The following PTBP3 variants were observed in gnomAD, a reference collection of about 807,000 sequenced individuals.
PTBP3 encodes the protein polypyrimidine tract-binding protein 3.
Under a neutral mutation model 58.7 loss-of-function variants are expected in PTBP3, and 20 were observed. The ratio of observed to expected loss-of-function variants is 0.34; its 90% CI spans 0.24 to 0.50. PTBP3 has a LOEUF of 0.50. Among genes scored for constraint, PTBP3 ranks in the 20% least tolerant of loss-of-function variants. PTBP3 has a pLI of 0.98. For synonymous variants in PTBP3, 185 were observed against 219.8 expected, an observed-to-expected ratio of 0.84 and a Z score of 1.40; for missense variants, 509 against 637.2, an observed-to-expected ratio of 0.80 and a Z score of 2.17.
At chr9:112,226,037 C>T (rs779656597) in intron 12 of PTBP3, among the ~76,000 whole-genome samples, 6 of 151,840 alleles carry the variant, frequency 4.0e-5, no homozygotes, top group Non-Finnish European at 8.8e-5. Flanking sequence ...GAGGGAGACC[C>T]TGTCTCAAAA....
chr9:112,314,832 AT>A (rs35142599), intron 1 of PTBP3, among the ~76,000 whole-genome samples: 349 of 141,344 alleles, frequency 2.5e-3, no homozygotes, highest in Middle Eastern at 7.2e-3. Flanking sequence ...TCCCACTGAC[AT>A]TTTTTTTTTT....
In PTBP3 at chr9:112,233,414, T is replaced by C. The variant is rs532741103; in HGVS notation, c.881-1176A>G. 7.2e-5 allele frequency among the ~76,000 whole-genome samples: 11 copies of C among 151,930 alleles called. No homozygotes were observed. In the South Asian group the frequency reaches 1.9e-3, roughly 26 times the overall value. ...AATTAATATTTATATATAGAGTATA[T>C]CTAAAAGAAATATCCAAAATGAGGG... On this transcript the variant is annotated intron_variant, in intron 8 of 13. Transcript: ENST00000374257.
chr9:112,262,481 A>G lies in PTBP3; in HGVS notation c.470T>C (p.Ile157Thr). The change falls in exon 5 of 14, where the codon ATT becomes ACT. Residue 157 changes from isoleucine (I) to threonine (T), a missense_variant. Coordinates refer to ENST00000374257, the MANE Select transcript of PTBP3 (RefSeq NM_001163788.4). ...AACAGGGTAAAAGAGGTTTTCAATA[A>G]TTATTCGAAGCACAGGGCTCTGCCC... Reference protein sequence around the residue: ...LPGQSPVLRIIIENLFYPVTL... With the variant: ...LPGQSPVLRITIENLFYPVTL... The G allele has an allele frequency of 1.2e-6, 2 of 1,610,238 alleles. No individual in the cohort carries two copies. Among genetic ancestry groups the G allele is most frequent in the Non-Finnish European group, 1.7e-6 (2 of 1,178,760 alleles).
chr9:112,250,213 AG>A (rs1273237994), intron 7 of PTBP3, among the ~76,000 whole-genome samples: 5 of 152,148 alleles, frequency 3.3e-5, no homozygotes, highest in African/African-American at 4.8e-5. Flanking sequence ...TATTTGGAAA[AG>A]GAAAAATCAA....
intron 2 of PTBP3, among the ~76,000 whole-genome samples, chr9:112,277,069 G>A (rs1460199272): frequency 6.6e-6 from 1 of 152,006 alleles, no homozygotes; most frequent in African/African-American, 2.4e-5. Flanking sequence ...AATTTCATGA[G>A]GACCAAATAA....
At position 112,280,370 on chromosome 9, in the gene PTBP3, A is replaced by AT. The variant is rs371625056; in HGVS notation, c.35-4358dup. ...GTGCCTGGGCTGCTGTTTATTTATT[A>AT]TTTTTTTTTTACAGCTTTACTGAAC... On this transcript the variant is annotated intron_variant, in intron 2 of 13. Transcript: ENST00000374257. Among the ~76,000 whole-genome samples, 1,206 of 147,468 alleles carry AT rather than the reference A, an allele frequency of 8.2e-3. 20 individuals are homozygous for AT. Among genetic ancestry groups the AT allele is most frequent in the African/African-American group, 0.027 (1,104 of 40,692 alleles).
chr9:112,271,515 G>GT (rs1394137250), intron 3 of PTBP3, among the ~76,000 whole-genome samples: 2 of 152,174 alleles, frequency 1.3e-5, no homozygotes, highest in African/African-American at 4.8e-5. Context: ...GAGGTTAGGA[G>GT]TTTGAGACCA....
chr9:112,276,977 C>T (rs1827636355), intron 2 of PTBP3, among the ~76,000 whole-genome samples: 1 of 152,176 alleles, frequency 6.6e-6, no homozygotes, highest in South Asian at 2.1e-4. Context: ...CGGAGAAAAA[C>T]ATAATCTTTC....
At chr9:112,333,073 G>T in intron 1 of PTBP3, 1 of 1,266,398 alleles carries the variant, frequency 7.9e-7, no homozygotes, top group Non-Finnish European at 9.9e-7. Flanking sequence ...CGCCCCGCGC[G>T]CCGCCTCCGC....
intron 4 of PTBP3, among the ~76,000 whole-genome samples, chr9:112,266,581 T>C (rs2132150525): frequency 6.6e-6 from 1 of 152,274 alleles, no homozygotes; most frequent in African/African-American, 2.4e-5. Context: ...TGGAAACAAC[T>C]TCAGTGTATA....
At chr9:112,267,257 CCAGG>C (rs1405845200) in intron 4 of PTBP3, among the ~76,000 whole-genome samples, 2 of 152,138 alleles carry the variant, frequency 1.3e-5, no homozygotes, top group East Asian at 3.9e-4. Flanking sequence ...GCTCCGCCTC[CCAGG>C]CTCACGCCAT....
chr9:112,334,289 G>T (rs546772006), upstream of PTBP3, among the ~76,000 whole-genome samples: 1 of 152,188 alleles, frequency 6.6e-6, no homozygotes, highest in South Asian at 2.1e-4. Flanking sequence ...GTCTAGTATT[G>T]AATTTATATG....
At chr9:112,227,968 C>A (rs1433384959) in intron 11 of PTBP3, among the ~76,000 whole-genome samples, 1 of 152,110 alleles carries the variant, frequency 6.6e-6, no homozygotes, top group African/African-American at 2.4e-5. Flanking sequence ...TTGAGTAATA[C>A]TTTACAGCTT....
intron 2 of PTBP3, among the ~76,000 whole-genome samples, chr9:112,290,672 T>TAAAA (rs141146042): frequency 8.3e-4 from 44 of 53,024 alleles, no homozygotes; most frequent in African/African-American, 2.8e-3. Context: ...ACTCTGTCTT[T>TAAAA]AAAAAAAAAA....
chr9:112,282,275 TGA>T (rs1827904716), intron 2 of PTBP3, among the ~76,000 whole-genome samples: 1 of 152,220 alleles, frequency 6.6e-6, no homozygotes, highest in African/African-American at 2.4e-5. Flanking sequence ...TCCTTTTTTT[TGA>T]GTCTACTTAG....
chr9:112,359,400 C>T, the PTBP3 span, among the ~76,000 whole-genome samples: 1 of 151,838 alleles, frequency 6.6e-6, no homozygotes, highest in Non-Finnish European at 1.5e-5. Context: ...GAGCTGAGAT[C>T]GCGCCACTGC....
chr9:112,333,794 T>C, upstream of PTBP3: 1 of 245,016 alleles, frequency 4.1e-6, no homozygotes. Flanking sequence ...GGCCTCCGGC[T>C]CAGCTCTGGG....
intron 2 of PTBP3, among the ~76,000 whole-genome samples, chr9:112,279,308 T>C (rs765886273): frequency 6.6e-6 from 1 of 152,198 alleles, no homozygotes; most frequent in African/African-American, 2.4e-5. Context: ...ATAAATCGTG[T>C]TGTATTTTAC....
At chr9:112,346,775 G>A in the PTBP3 span, among the ~76,000 whole-genome samples, 1 of 152,190 alleles carries the variant, frequency 6.6e-6, no homozygotes, top group Non-Finnish European at 1.5e-5. Flanking sequence ...CTGTCACCCA[G>A]GCTGGAGCGC....
Sources: allele counts gnomAD v4.1 joint callset (sites outside exome capture counted in the v4.1 genomes callset), GRCh38; gene constraint gnomAD v4.1.1; transcripts MANE v1.5; gene names NCBI Gene and HGNC (gene_info 2026-07-23, HGNC 2026-07-21).